PID1: variants seen among roughly 807,000 people sequenced by gnomAD.
The protein encoded by PID1 is PTB-containing, cubilin and LRP1-interacting protein.
PID1 carries 10 observed loss-of-function variants against 19.1 expected under a neutral mutation model. The ratio of observed to expected loss-of-function variants is 0.52; its 90% confidence interval spans 0.32 to 0.89. PID1 has a LOEUF of 0.89. Ranked by LOEUF, PID1 falls within the 40% of genes least tolerant of loss-of-function variation. The pLI is 0.03. For synonymous variants in PID1, 130 were observed against 116.0 expected, an observed-to-expected ratio of 1.12 and a Z score of -0.78; for missense variants, 248 against 285.3, an observed-to-expected ratio of 0.87 and a Z score of 0.94.
intron 2 of PID1, among the ~76,000 whole-genome samples, chr2:229,108,433 G>A (rs1016667333): frequency 1.9e-4 from 29 of 152,214 alleles, no homozygotes; most frequent in African/African-American, 6.5e-4. Flanking sequence ...ACAAAGCAGA[G>A]GAGAGAGGGA....
At chr2:229,062,847 A>T (rs1434434323) in intron 2 of PID1, among the ~76,000 whole-genome samples, 1 of 151,844 alleles carries the variant, frequency 6.6e-6, no homozygotes, top group Non-Finnish European at 1.5e-5. Context: ...TTTCTTCTTG[A>T]ATCAGTCTTG....
At chr2:229,126,430 A>T (rs1278831388) in intron 2 of PID1, among the ~76,000 whole-genome samples, 1 of 152,172 alleles carries the variant, frequency 6.6e-6, no homozygotes, top group African/African-American at 2.4e-5. Context: ...TGGCAAAAAA[A>T]AAAACCCTGT....
intron 2 of PID1, among the ~76,000 whole-genome samples, chr2:229,042,954 A>AGG (rs1693800786): frequency 6.6e-6 from 1 of 150,520 alleles, no homozygotes; most frequent in East Asian, 1.9e-4. Context: ...ATTTTTTTTG[A>AGG]GAGAGAGAGA....
intron 1 of PID1, among the ~76,000 whole-genome samples, chr2:229,215,240 G>T (rs542557594): frequency 6.6e-6 from 1 of 152,194 alleles, no homozygotes; most frequent in Non-Finnish European, 1.5e-5. Flanking sequence ...TTTATTAACT[G>T]AATGAGGCTG....
intron 1 of PID1, among the ~76,000 whole-genome samples, chr2:229,227,088 G>A (rs937549066): frequency 2.0e-5 from 3 of 152,106 alleles, no homozygotes; most frequent in Non-Finnish European, 2.9e-5. Context: ...TATGCACAAG[G>A]AAATAACATT....
intron 1 of PID1, among the ~76,000 whole-genome samples, chr2:229,265,364 T>C (rs959427678): frequency 2.6e-5 from 4 of 152,268 alleles, no homozygotes; most frequent in East Asian, 1.9e-4. Context: ...CATTGAAATA[T>C]GCCAGTCACA....
intron 2 of PID1, among the ~76,000 whole-genome samples, chr2:229,100,651 A>G (rs546028125): frequency 4.4e-4 from 67 of 152,304 alleles, no homozygotes; most frequent in African/African-American, 1.6e-3. Flanking sequence ...ATGCCCACCC[A>G]TAAGGATGCA....
intron 1 of PID1, among the ~76,000 whole-genome samples, chr2:229,263,262 C>G (rs1045146859): frequency 1.3e-5 from 2 of 152,156 alleles, no homozygotes; most frequent in African/African-American, 4.8e-5. Context: ...CCAAGTCCTT[C>G]CATCTTATCA....
At chr2:229,039,397 A>C (rs187289894) in intron 2 of PID1, among the ~76,000 whole-genome samples, 5 of 152,346 alleles carry the variant, frequency 3.3e-5, no homozygotes, top group Non-Finnish European at 7.3e-5. Context: ...TGTTCATGAT[A>C]ATTTTAAAGA....
Position 229,086,291 on chromosome 2 carries a change from T to C in PID1, c.178-60183A>G, listed in dbSNP as rs113656966. Among the ~76,000 whole-genome samples the C allele has an allele frequency of 3.5e-3, 533 of 152,278 alleles. 5 individuals carry two copies. The highest frequency in any genetic ancestry group is 0.012 in the African/African-American group (517 of 41,560). ...ACCTACTGGACAGCGTAACTTAGCC[T>C]AGTCTAATGTAAACACGCTCAGAAC... is the stretch of plus-strand genomic sequence containing the variant. On this transcript the variant is annotated intron_variant, in intron 2 of 2. Transcript: ENST00000392055.
At chr2:229,217,780 A>G (rs752869718) in intron 1 of PID1, among the ~76,000 whole-genome samples, 25 of 152,374 alleles carry the variant, frequency 1.6e-4, no homozygotes, top group Admixed American at 3.3e-4. Flanking sequence ...TATCACCACC[A>G]GACAATCTGC....
At chr2:229,168,358 T>C (rs751220778) in intron 1 of PID1, among the ~76,000 whole-genome samples, 7 of 152,168 alleles carry the variant, frequency 4.6e-5, no homozygotes, top group Non-Finnish European at 8.8e-5. Context: ...CTTTATACAC[T>C]CTTTTTTCTT....
chr2:229,233,202 T>C (rs777676491), intron 1 of PID1, among the ~76,000 whole-genome samples: 1 of 152,188 alleles, frequency 6.6e-6, no homozygotes, highest in Non-Finnish European at 1.5e-5. Flanking sequence ...TTGCCTTACG[T>C]CTTTCATAAT....
rs149046050 is a variant in PID1, at chr2:229,066,715, G to A, written c.178-40607C>T. Among the ~76,000 whole-genome samples the A allele has an allele frequency of 2.6e-4, 40 of 151,448 alleles. No homozygotes were observed. In the East Asian group the frequency reaches 5.8e-3, roughly 22 times the overall value. On this transcript the variant is annotated intron_variant, in intron 2 of 2. Coordinates refer to ENST00000392055, the MANE Select transcript of PID1 (RefSeq NM_001100818.2). ...TTTCTATTTTGAGGACATAGCATACGCGTGCTGAAGACTCCATTCTAGATA... is the reference window on the plus strand; with the variant it reads ...TTTCTATTTTGAGGACATAGCATACACGTGCTGAAGACTCCATTCTAGATA...
At chr2:229,198,989 G>A (rs551455896) in intron 1 of PID1, among the ~76,000 whole-genome samples, 2 of 152,036 alleles carry the variant, frequency 1.3e-5, no homozygotes, top group African/African-American at 4.8e-5. Flanking sequence ...CCCAAACTCC[G>A]TACCATGGCT....
At chr2:229,153,379 A>T in intron 2 of PID1, among the ~76,000 whole-genome samples, 1 of 152,208 alleles carries the variant, frequency 6.6e-6, no homozygotes, top group East Asian at 1.9e-4. Flanking sequence ...ATGATTATCT[A>T]TGCCTGGAAT....
intron 1 of PID1, among the ~76,000 whole-genome samples, chr2:229,260,441 A>G (rs780939025): frequency 5.3e-5 from 8 of 150,740 alleles, no homozygotes; most frequent in Non-Finnish European, 1.0e-4. Flanking sequence ...AACACAGTAA[A>G]GTAGAATTTT....
chr2:229,127,107 T>A (rs1000637865), intron 2 of PID1, among the ~76,000 whole-genome samples: 1 of 152,182 alleles, frequency 6.6e-6, no homozygotes. Context: ...CTGCCCACAT[T>A]TCATTGCTCA....
intron 1 of PID1, among the ~76,000 whole-genome samples, chr2:229,164,249 CCT>C (rs1426477801): frequency 6.6e-6 from 1 of 151,970 alleles, no homozygotes; most frequent in Non-Finnish European, 1.5e-5. Flanking sequence ...ATTTGCAACC[CCT>C]GATGTAAAAC....
Sources: gnomAD v4.1 joint callset for allele counts (sites outside exome capture counted in the v4.1 genomes callset) on GRCh38, gnomAD v4.1.1 for gene constraint, MANE v1.5 for transcripts, NCBI Gene and HGNC (gene_info 2026-07-23, HGNC 2026-07-21) for gene names.